The following IQGAP1 variants were observed in gnomAD, a reference collection of about 807,000 sequenced individuals.
IQGAP1 encodes ras GTPase-activating-like protein IQGAP1.
A neutral mutation model predicts 215.6 loss-of-function variants in IQGAP1; 66 were observed. That is an observed-to-expected ratio of 0.31 (90% CI 0.25 to 0.38). IQGAP1 has a LOEUF of 0.38. Among genes scored for constraint, IQGAP1 ranks in the 10% least tolerant of loss-of-function variants. The pLI, the probability that IQGAP1 is intolerant of heterozygous loss-of-function variation, is 1.00. For missense variants in IQGAP1, 1,712 were observed against 1,997.1 expected, an observed-to-expected ratio of 0.86 and a Z score of 2.72; for synonymous variants, 772 against 728.7, an observed-to-expected ratio of 1.06 and a Z score of -0.96.
chr15:90,454,389 C>G, intron 13 of IQGAP1, 39 bp from the exon 14 acceptor site: 4 of 1,611,156 alleles, frequency 2.5e-6, no homozygotes. Context: ...TTTAAACATG[C>G]TGTGCTTAAT....
At position 90,452,890 on chromosome 15, in the gene IQGAP1, C is replaced by T. The variant is rs139481956; in HGVS notation, c.1278C>T (p.Ala426=). 6 of 1,614,062 alleles carry T rather than the reference C, an allele frequency of 3.7e-6. No individual in the cohort carries two copies. In the African/African-American group the frequency reaches 4.0e-5, roughly 11 times the overall value. ...AQLPQVYPFA[A]DLYQKELATL... ...TGCCCCAGGTGTATCCATTTGCCGC[C>T]GATCTCTATCAGAAGGAGCTGGCTA... Residue 426 remains alanine (A), a synonymous_variant, in exon 12 of 38, where the codon GCC becomes GCT. Coordinates refer to ENST00000268182, the MANE Select transcript of IQGAP1 (RefSeq NM_003870.4).
chr15:90,483,618 A>T (rs1966087739), intron 29 of IQGAP1, 25 bp downstream of exon 29: 1 of 1,491,256 alleles, frequency 6.7e-7, no homozygotes, highest in African/African-American at 1.4e-5. Flanking sequence ...ACAAGTGCTT[A>T]AGAGAGTCTG....
chr15:90,497,496 A>G (rs1373660683), intron 37 of IQGAP1, among the ~76,000 whole-genome samples, 156 bp downstream of exon 37: 2 of 152,216 alleles, frequency 1.3e-5, no homozygotes, highest in East Asian at 1.9e-4. Context: ...GGGTTTCAGC[A>G]TGTCTGGTTT....
At chr15:90,481,269 CTTTTTTTTTTTTT>C (rs57452745) in intron 26 of IQGAP1, among the ~76,000 whole-genome samples, 4 of 113,178 alleles carry the variant, frequency 3.5e-5, no homozygotes, top group Non-Finnish European at 3.7e-5. Flanking sequence ...CTCTCTGCCT[CTTTTTTTTTTTTT>C]TTTTTTTTTT....
At chr15:90,406,883 G>A (rs539935265) in intron 2 of IQGAP1, among the ~76,000 whole-genome samples, 3 of 152,260 alleles carry the variant, frequency 2.0e-5, no homozygotes, top group South Asian at 2.1e-4. Flanking sequence ...GGTGGGAAAC[G>A]AAAACAAAAT....
intron 2 of IQGAP1, among the ~76,000 whole-genome samples, chr15:90,405,989 A>G (rs1157458421): frequency 6.6e-6 from 1 of 152,210 alleles, no homozygotes; most frequent in African/African-American, 2.4e-5. Flanking sequence ...AATTAAAGCC[A>G]TAATTGTACT....
At chr15:90,436,547 A>G (rs982740983) in intron 5 of IQGAP1, among the ~76,000 whole-genome samples, 4 of 152,214 alleles carry the variant, frequency 2.6e-5, no homozygotes, top group African/African-American at 9.6e-5. Context: ...TAGAATCCAG[A>G]TAGATTAACA....
chr15:90,478,325 A>G (rs1035460007), intron 26 of IQGAP1, among the ~76,000 whole-genome samples: 1 of 152,088 alleles, frequency 6.6e-6, no homozygotes, highest in African/African-American at 2.4e-5. Context: ...TGTGCTTTCT[A>G]AGTTGTTGAC....
At chr15:90,452,667 C>A in intron 11 of IQGAP1, 108 bp from the exon 12 acceptor site, 1 of 1,298,046 alleles carries the variant, frequency 7.7e-7, no homozygotes, top group Non-Finnish European at 1.1e-6. Context: ...CTTCAAACTT[C>A]ATGGCTGATA....
At chr15:90,453,041 G>C in intron 12 of IQGAP1, 91 bp from the exon 13 acceptor site, 1 of 1,551,566 alleles carries the variant, frequency 6.4e-7, no homozygotes, top group Non-Finnish European at 8.7e-7. Flanking sequence ...GCATAAACTT[G>C]GTTTTCTTAC....
At chr15:90,444,076 AT>A (rs1431369160) in intron 9 of IQGAP1, among the ~76,000 whole-genome samples, 1 of 148,064 alleles carries the variant, frequency 6.8e-6, no homozygotes, top group Non-Finnish European at 1.5e-5. Context: ...AAAAAAAAAT[AT>A]TTTTCTATTT....
Position 90,452,982 on chromosome 15 carries a change from G to C in IQGAP1, c.1326+44G>C, listed in dbSNP as rs372197745. The C allele has an allele frequency of 1.3e-5, 21 of 1,606,576 alleles. No individual in the cohort carries two copies. In the African/African-American group the frequency reaches 2.1e-4, roughly 16 times the overall value. ...TCCTGTTTGTGAGCAAAGTTGGGTG[G>C]ACGTGAGTGTAATACCCACTTCTTC... On this transcript the variant is annotated intron_variant, in intron 12 of 37. Transcript: ENST00000268182.
At chr15:90,421,762 C>G (rs1282734770) in intron 2 of IQGAP1, among the ~76,000 whole-genome samples, 2 of 152,138 alleles carry the variant, frequency 1.3e-5, no homozygotes. Flanking sequence ...GATGCAATCT[C>G]AGCTCATGCC....
At chr15:90,430,207 A>G (rs1300652000) in intron 4 of IQGAP1, among the ~76,000 whole-genome samples, 2 of 151,996 alleles carry the variant, frequency 1.3e-5, no homozygotes, top group African/African-American at 4.8e-5. Context: ...TCAGGAGTTT[A>G]TTTAGTGTTG....
At chr15:90,399,557 AT>A (rs1426717738) in intron 2 of IQGAP1, among the ~76,000 whole-genome samples, 2 of 152,058 alleles carry the variant, frequency 1.3e-5, no homozygotes, top group Non-Finnish European at 1.5e-5. Flanking sequence ...TTTAAATTTT[AT>A]TGAGTTTAAA....
At chr15:90,463,774 C>A (rs574273503) in intron 15 of IQGAP1, among the ~76,000 whole-genome samples, 1 of 152,194 alleles carries the variant, frequency 6.6e-6, no homozygotes, top group East Asian at 1.9e-4. Flanking sequence ...CCAGCACCTA[C>A]CATAATTAGG....
At chr15:90,473,288 G>A (rs1002085502) in intron 19 of IQGAP1, among the ~76,000 whole-genome samples, 3 of 152,118 alleles carry the variant, frequency 2.0e-5, no homozygotes, top group African/African-American at 7.2e-5. Flanking sequence ...AACAACTGTG[G>A]TCTGGCTTCA....
chr15:90,459,047 C>T (rs557057307), intron 15 of IQGAP1, among the ~76,000 whole-genome samples: 4 of 152,158 alleles, frequency 2.6e-5, no homozygotes, highest in Non-Finnish European at 5.9e-5. Flanking sequence ...TACACTAAAG[C>T]CTTGGTCTGT....
intron 10 of IQGAP1, among the ~76,000 whole-genome samples, chr15:90,448,937 T>C (rs1965562545): frequency 6.6e-6 from 1 of 152,180 alleles, no homozygotes; most frequent in Admixed American, 6.5e-5. Context: ...CTATGAATCC[T>C]CTTTTAAGAT....
Sources: allele counts gnomAD v4.1 joint callset (sites outside exome capture counted in the v4.1 genomes callset), GRCh38; gene constraint gnomAD v4.1.1; transcripts MANE v1.5; gene names NCBI Gene and HGNC (gene_info 2026-07-23, HGNC 2026-07-21).